OR1L8: variants seen among roughly 807,000 people sequenced by gnomAD.
OR1L8 encodes the protein olfactory receptor family 1 subfamily L member 8, also known as olfactory receptor 1L8.
For missense variants in OR1L8, 330 were observed against 377.4 expected, an observed-to-expected ratio of 0.87 and a Z score of 1.04; for synonymous variants, 148 against 147.0, an observed-to-expected ratio of 1.01 and a Z score of -0.05.
At chr9:122,547,908 A>G in the OR1L8 span, among the ~76,000 whole-genome samples, 1 of 152,120 alleles carries the variant, frequency 6.6e-6, no homozygotes, top group South Asian at 2.1e-4. Context: ...ATTCCTACCA[A>G]CATTGCGTTA....
chr9:122,552,124 G>A, the OR1L8 span, among the ~76,000 whole-genome samples: 11 of 134,890 alleles, frequency 8.2e-5, no homozygotes, highest in African/African-American at 2.9e-4. Context: ...TCGATGATCA[G>A]GTGACCAGGC....
the OR1L8 span, among the ~76,000 whole-genome samples, chr9:122,549,111 G>T: frequency 6.6e-6 from 1 of 152,062 alleles, no homozygotes; most frequent in African/African-American, 2.4e-5. Flanking sequence ...GATCCCCAAT[G>T]TTGGATGTGG....
intron 3 of OR1L8, among the ~76,000 whole-genome samples, chr9:122,574,467 C>G (rs7847451): frequency 0.63 from 96,185 of 151,854 alleles, 30,648 homozygotes; most frequent in African/African-American, 0.67. Flanking sequence ...AAATGATATT[C>G]TGTTCTTAAT....
chr9:122,579,131 A>G (rs1039211033), intron 1 of OR1L8, among the ~76,000 whole-genome samples: 2 of 152,076 alleles, frequency 1.3e-5, no homozygotes, highest in Non-Finnish European at 2.9e-5. Context: ...AACAGAAATC[A>G]TCCAAGTTTT....
chr9:122,563,181 G>GTTTTTT (rs1394601999), downstream of OR1L8, among the ~76,000 whole-genome samples: 1 of 90,206 alleles, frequency 1.1e-5, no homozygotes, highest in African/African-American at 4.5e-5. Context: ...ACTAGCATTT[G>GTTTTTT]TTATTTTTTT....
Position 122,568,415 on chromosome 9 carries a change from C to A in OR1L8, c.63G>T (p.Arg21=). ...SEFILLGLSS[R]PEDQKTLFVL... ...CAAAGAGTGTCTTTTGGTCCTCAGG[C>A]CGGGAGGAGAGTCCCAGGAGGATAA... is the stretch of plus-strand genomic sequence containing the variant. The change falls in exon 5 of 5, where the codon CGG becomes CGT. Residue 21 remains arginine (R), a synonymous_variant. Coordinates refer to ENST00000641027, the MANE Select transcript of OR1L8 (RefSeq NM_001004454.2). 1 of 1,613,330 alleles carries A rather than the reference C, an allele frequency of 6.2e-7. No homozygotes were observed. Among genetic ancestry groups the A allele is most frequent in the Non-Finnish European group, 8.5e-7 (1 of 1,179,416 alleles).
the OR1L8 span, chr9:122,553,781 T>C: frequency 6.2e-7 from 1 of 1,614,086 alleles, no homozygotes. Flanking sequence ...TCCTGAAGCT[T>C]GCCTGCTCAG....
At chr9:122,552,749 A>AGAGTGTGT in the OR1L8 span, among the ~76,000 whole-genome samples, 6 of 129,758 alleles carry the variant, frequency 4.6e-5, no homozygotes, top group South Asian at 1.1e-3. Flanking sequence ...AGAGGGCTTG[A>AGAGTGTGT]GTGTGTGTGT....
Position 122,567,806 on chromosome 9 carries a change from A to G in OR1L8, c.672T>C (p.Thr224=). 6.2e-7 allele frequency: 1 copy of G among 1,614,116 alleles called. No individual in the cohort carries two copies. The highest frequency in any genetic ancestry group is 8.5e-7 in the Non-Finnish European group (1 of 1,179,970). The change falls in exon 5 of 5, where the codon ACT becomes ACC. Residue 224 remains threonine, a synonymous_variant. Transcript: ENST00000641027. ...AAGTAGAGGGAATCTTGAGAACTGT[A>G]GTGAGGATTCGTATATAAGAGAAAG... ...CIAFSYIRIL[T]TVLKIPSTSG...
the OR1L8 span, among the ~76,000 whole-genome samples, chr9:122,547,236 A>G: frequency 6.6e-6 from 1 of 152,170 alleles, no homozygotes; most frequent in African/African-American, 2.4e-5. Flanking sequence ...AAAGGCATGA[A>G]CACCCCAGCG....
At position 122,578,436 on chromosome 9, in the gene OR1L8, A is replaced by G. The variant is rs13286384; in HGVS notation, c.-590T>C. The G allele has an allele frequency of 0.15, 19,694 of 135,704 alleles. 1,437 individuals carry two copies. The highest frequency in any genetic ancestry group is 0.21 in the South Asian group (810 of 3,906). 8.4% of individuals were successfully genotyped at this position (135,704 alleles called of 1,614,324 possible). On this transcript the variant is annotated 5_prime_UTR_variant, in exon 2 of 5. Transcript: ENST00000641027. ...GGCACTCCAGCCTGGGCGACAGTGC[A>G]AGACTCCATCTCAAAAAAAAAAAAA... is the stretch of plus-strand genomic sequence containing the variant.
At chr9:122,553,539 T>C in the OR1L8 span, 1 of 1,614,134 alleles carries the variant, frequency 6.2e-7, no homozygotes, top group Admixed American at 1.7e-5. Context: ...CCTCCTTATG[T>C]TTGGTGGCCT....
downstream of OR1L8, among the ~76,000 whole-genome samples, chr9:122,564,250 C>T (rs927662208): frequency 2.4e-4 from 37 of 152,138 alleles, no homozygotes; most frequent in African/African-American, 8.0e-4. Flanking sequence ...TCCACTCGAT[C>T]CCAAAACCCA....
At chr9:122,557,278 G>A in the OR1L8 span, among the ~76,000 whole-genome samples, 1 of 151,932 alleles carries the variant, frequency 6.6e-6, no homozygotes, top group African/African-American at 2.4e-5. Context: ...GTAATGAGGG[G>A]GGACATTTTT....
chr9:122,567,346 A>C lies in OR1L8; in HGVS notation c.*202T>G. 2.3e-6 allele frequency: 1 copy of C among 441,134 alleles called. No individual in the cohort carries two copies. The highest frequency in any genetic ancestry group is 4.0e-6 in the Non-Finnish European group (1 of 251,312). 27.3% of individuals were successfully genotyped at this position (441,134 alleles called of 1,614,324 possible). A position where few individuals can be genotyped will look rare whatever the true frequency, so the allele number is the denominator to read the frequency against. On this transcript the variant is annotated 3_prime_UTR_variant, in exon 5 of 5. Transcript: ENST00000641027. ...TAAATCTTTCCAAGAAAGAGGAGAC[A>C]CAGACAGGAAACGATTGTGATTTAA...
At chr9:122,551,740 G>T in the OR1L8 span, among the ~76,000 whole-genome samples, 1 of 152,104 alleles carries the variant, frequency 6.6e-6, no homozygotes, top group African/African-American at 2.4e-5. Context: ...GCTGCACAAT[G>T]ACACCGAGGT....
intron 2 of OR1L8, among the ~76,000 whole-genome samples, chr9:122,578,021 T>A (rs1588219838): frequency 6.6e-6 from 1 of 152,316 alleles, no homozygotes; most frequent in East Asian, 1.9e-4. Flanking sequence ...AGGAAAACAC[T>A]TTTACACTGC....
At chr9:122,577,526 AGTAAG>A (rs1829678651) in intron 2 of OR1L8, among the ~76,000 whole-genome samples, 1 of 152,238 alleles carries the variant, frequency 6.6e-6, no homozygotes, top group Non-Finnish European at 1.5e-5. Flanking sequence ...TACAAGGTTC[AGTAAG>A]CATGTGAACA....
chr9:122,581,389 AAAT>A (rs1227230156), intron 1 of OR1L8, among the ~76,000 whole-genome samples: 1 of 152,056 alleles, frequency 6.6e-6, no homozygotes, highest in Non-Finnish European at 1.5e-5. Flanking sequence ...AAAAAGTGAC[AAAT>A]ATTATATTAT....
Sources: gnomAD v4.1 joint callset for allele counts (sites outside exome capture counted in the v4.1 genomes callset) on GRCh38, gnomAD v4.1.1 for gene constraint, MANE v1.5 for transcripts, NCBI Gene and HGNC (gene_info 2026-07-23, HGNC 2026-07-21) for gene names.